Variants in GPC5 observed in about 807,000 individuals in gnomAD.
GPC5 encodes glypican-5.
In GPC5, 47 loss-of-function variants were observed where a neutral mutation model predicts 53.9. The observed-to-expected ratio is 0.87, with a 90% confidence interval of 0.69 to 1.11. The LOEUF is 1.11. Among genes scored for constraint, GPC5 ranks in the 50% most tolerant of loss-of-function variants. The probability of loss-of-function intolerance (pLI) is 0.00; values close to 1 mark genes in which losing one functional copy is unlikely to be tolerated. For missense variants in GPC5, 748 were observed against 713.1 expected, an observed-to-expected ratio of 1.05 and a Z score of -0.56; for synonymous variants, 286 against 263.3, an observed-to-expected ratio of 1.09 and a Z score of -0.84.
At chr13:92,524,338 A>G (rs1180008512) in intron 7 of GPC5, among the ~76,000 whole-genome samples, 1 of 152,148 alleles carries the variant, frequency 6.6e-6, no homozygotes, top group African/African-American at 2.4e-5. Flanking sequence ...TCTAGATTCC[A>G]CATAATACCT....
intron 7 of GPC5, among the ~76,000 whole-genome samples, chr13:92,676,446 T>G (rs1030099273): frequency 1.3e-5 from 2 of 152,188 alleles, no homozygotes; most frequent in African/African-American, 4.8e-5. Context: ...AGATGAAATT[T>G]TTAATTAACT....
intron 7 of GPC5, among the ~76,000 whole-genome samples, chr13:92,170,153 G>A (rs1467428831): frequency 6.6e-6 from 1 of 151,296 alleles, no homozygotes; most frequent in Non-Finnish European, 1.5e-5. Context: ...CAAAATACAT[G>A]GAGAACTTTA....
chr13:92,639,303 T>C (rs1259797823), intron 7 of GPC5, among the ~76,000 whole-genome samples: 1 of 152,238 alleles, frequency 6.6e-6, no homozygotes, highest in Non-Finnish European at 1.5e-5. Context: ...GAATAGATTC[T>C]ATTGTAAAAG....
At chr13:92,548,066 C>G (rs1005986323) in intron 7 of GPC5, among the ~76,000 whole-genome samples, 5 of 149,848 alleles carry the variant, frequency 3.3e-5, no homozygotes, top group African/African-American at 1.2e-4. Flanking sequence ...GTCTCGATCT[C>G]CTGACCTCGT....
intron 7 of GPC5, among the ~76,000 whole-genome samples, chr13:92,781,851 C>T (rs1364957710): frequency 6.6e-6 from 1 of 152,150 alleles, no homozygotes; most frequent in Admixed American, 6.5e-5. Flanking sequence ...TAGCTGCTGC[C>T]AGCCAAGTAT....
intron 7 of GPC5, among the ~76,000 whole-genome samples, chr13:92,197,678 T>G (rs2042266739): frequency 6.6e-6 from 1 of 151,174 alleles, no homozygotes; most frequent in Admixed American, 6.6e-5. Context: ...TTTTTTTTTT[T>G]TGTATTTTTG....
chr13:92,755,399 C>A, intron 7 of GPC5, among the ~76,000 whole-genome samples: 1 of 135,918 alleles, frequency 7.4e-6, no homozygotes, highest in South Asian at 2.4e-4. Context: ...AATTGATACC[C>A]TAACATCACA....
chr13:91,487,728 T>C (rs1358435015), intron 2 of GPC5, among the ~76,000 whole-genome samples: 1 of 152,180 alleles, frequency 6.6e-6, no homozygotes, highest in East Asian at 1.9e-4. Context: ...AAATCTATTA[T>C]CTCTACTTCT....
chr13:91,601,457 G>A (rs568556864), intron 2 of GPC5, among the ~76,000 whole-genome samples: 1 of 152,252 alleles, frequency 6.6e-6, no homozygotes, highest in African/African-American at 2.4e-5. Flanking sequence ...CCCCTGGGCC[G>A]TGGACCCCTA....
intron 2 of GPC5, among the ~76,000 whole-genome samples, chr13:91,668,631 T>C (rs1407643231): frequency 6.6e-6 from 1 of 152,208 alleles, no homozygotes; most frequent in African/African-American, 2.4e-5. Flanking sequence ...TATTTTTTAA[T>C]CTCTAAAAAA....
In GPC5 at chr13:91,758,335, A is replaced by C. The variant is rs563257009; in HGVS notation, c.1280+1915A>C. 2.0e-3 allele frequency among the ~76,000 whole-genome samples: 309 copies of C among 152,122 alleles called. 1 individual carries two copies. The highest frequency in any genetic ancestry group is 4.0e-3 in the Non-Finnish European group (270 of 67,954). The stretch of plus-strand genomic sequence containing the variant: ...GGAATTGAACTTTTTGTATATTTTT[A>C]CAAAGACTAATGAGAAACCCAGAGT... On this transcript the variant is annotated intron_variant, in intron 5 of 7. Coordinates refer to ENST00000377067, the MANE Select transcript of GPC5 (RefSeq NM_004466.6).
chr13:92,756,032 G>T (rs1185208675), intron 7 of GPC5, among the ~76,000 whole-genome samples: 1 of 152,016 alleles, frequency 6.6e-6, no homozygotes, highest in Non-Finnish European at 1.5e-5. Flanking sequence ...AACCAAAAAA[G>T]AGAGTTTTAG....
At chr13:91,544,877 C>T (rs2030185648) in intron 2 of GPC5, among the ~76,000 whole-genome samples, 1 of 152,144 alleles carries the variant, frequency 6.6e-6, no homozygotes, top group Admixed American at 6.6e-5. Flanking sequence ...GCCTGGATTG[C>T]AGTCTTGGCT....
In GPC5 at chr13:91,985,322, G is replaced by A. The variant is rs1034191058; in HGVS notation, c.1401+77265G>A. Among the ~76,000 whole-genome samples the A allele has an allele frequency of 2.6e-4, 38 of 148,496 alleles. No individual in the cohort carries two copies. The East Asian group carries it at 3.9e-3, about 15-fold the overall frequency. On this transcript the variant is annotated intron_variant, in intron 6 of 7. Transcript: ENST00000377067. ...ATGTTTTGTCATCATTTACTTTTAT[G>A]TGTCTTATGTTCTTATATCTGATGT... is the stretch of plus-strand genomic sequence containing the variant.
At chr13:92,635,532 C>T (rs1033019068) in intron 7 of GPC5, among the ~76,000 whole-genome samples, 1 of 152,108 alleles carries the variant, frequency 6.6e-6, no homozygotes, top group African/African-American at 2.4e-5. Flanking sequence ...AACCGGCTCC[C>T]AAGACAATGG....
intron 2 of GPC5, among the ~76,000 whole-genome samples, chr13:91,663,203 A>G (rs1314641515): frequency 1.3e-5 from 2 of 152,196 alleles, no homozygotes; most frequent in African/African-American, 4.8e-5. Flanking sequence ...AGACAATTGT[A>G]AAGACCCATA....
At chr13:91,466,728 G>A (rs1248942969) in intron 2 of GPC5, among the ~76,000 whole-genome samples, 1 of 152,086 alleles carries the variant, frequency 6.6e-6, no homozygotes, top group African/African-American at 2.4e-5. Flanking sequence ...GATGGAGTGG[G>A]ACTGGGGAGA....
chr13:92,709,016 G>T (rs1423838609), intron 7 of GPC5, among the ~76,000 whole-genome samples: 1 of 150,026 alleles, frequency 6.7e-6, no homozygotes, highest in Non-Finnish European at 1.5e-5. Flanking sequence ...TCAAGTAGCT[G>T]GGCCTGCAGG....
At chr13:91,732,441 G>T (rs9583958) in intron 4 of GPC5, among the ~76,000 whole-genome samples, 13 of 151,808 alleles carry the variant, frequency 8.6e-5, no homozygotes, top group Admixed American at 6.6e-4. Context: ...CAGATGGGTG[G>T]ATTGCAAAAA....
Sources: allele counts gnomAD v4.1 joint callset (sites outside exome capture counted in the v4.1 genomes callset), GRCh38; gene constraint gnomAD v4.1.1; transcripts MANE v1.5; gene names NCBI Gene and HGNC (gene_info 2026-07-23, HGNC 2026-07-21).